Variants in SLC25A28 observed in about 807,000 individuals in gnomAD.
SLC25A28 encodes solute carrier family 25 member 28.
Under a neutral mutation model 31.9 loss-of-function variants are expected in SLC25A28, and 10 were observed. The ratio of observed to expected loss-of-function variants is 0.31; its 90% CI spans 0.19 to 0.53. The LOEUF is 0.53. SLC25A28 is among the 20% of genes least tolerant of loss of function. SLC25A28 has a pLI of 0.95. For synonymous variants in SLC25A28, 208 were observed against 203.6 expected (o/e 1.02, Z -0.19); for missense variants, 256 against 490.3 (o/e 0.52, Z 4.51).
the SLC25A28 span, among the ~76,000 whole-genome samples, chr10:99,658,812 AAC>A: frequency 6.6e-6 from 1 of 152,206 alleles, no homozygotes. Context: ...GCAAGAAAGA[AAC>A]ACACACACAC....
upstream of SLC25A28, among the ~76,000 whole-genome samples, chr10:99,622,933 G>A (rs1170337260): frequency 8.5e-5 from 13 of 152,054 alleles, no homozygotes; most frequent in Admixed American, 8.5e-4. Flanking sequence ...TTCTCATGGA[G>A]CTTTTTAATG....
At chr10:99,624,791 G>A (rs145335021), upstream of SLC25A28, among the ~76,000 whole-genome samples, 175 of 152,118 alleles carry the variant, frequency 1.2e-3, 1 homozygote, top group East Asian at 0.014. Flanking sequence ...GCCAAGATTG[G>A]GCCACTGCAC....
At chr10:99,659,261 G>A in the SLC25A28 span, among the ~76,000 whole-genome samples, 1 of 152,228 alleles carries the variant, frequency 6.6e-6, no homozygotes, top group Non-Finnish European at 1.5e-5. The surrounding 1 kb of genome is among the most constrained non-coding windows in gnomAD (Gnocchi z 4.1). Context: ...AGCTCTCCGC[G>A]GGCCCTGCAG....
rs879024542 is a variant in SLC25A28 at position 99,610,696 on chromosome 10, A to G, written c.*153T>C. On this transcript the variant is annotated 3_prime_UTR_variant, in exon 4 of 4. Coordinates refer to ENST00000370495, the MANE Select transcript of SLC25A28 (RefSeq NM_031212.4). ...AAAGGTGGTGGCAACAGAGGTTGGCAGGAACTGGTGTTAGTCAAAACACCA... is the reference window on the plus strand; with the variant it reads ...AAAGGTGGTGGCAACAGAGGTTGGCGGGAACTGGTGTTAGTCAAAACACCA... 1.5e-5 allele frequency: 13 copies of G among 885,572 alleles called. No individual in the cohort carries two copies. Among genetic ancestry groups the G allele is most frequent in the Non-Finnish European group, 1.9e-5 (11 of 586,694 alleles). The allele number at this position is 885,572 out of a possible 1,614,324, so 54.9% of individuals were successfully genotyped here.
chr10:99,638,963 T>C, the SLC25A28 span, among the ~76,000 whole-genome samples: 13 of 152,090 alleles, frequency 8.5e-5, no homozygotes, highest in African/African-American at 2.9e-4. Flanking sequence ...AAATAAGTCA[T>C]TGTATGAAAA....
chr10:99,648,492 C>A, the SLC25A28 span, among the ~76,000 whole-genome samples: 1 of 152,040 alleles, frequency 6.6e-6, no homozygotes, highest in Admixed American at 6.6e-5. Context: ...GGAAAAATGA[C>A]ATTGGTAATT....
chr10:99,641,119 T>G, the SLC25A28 span, among the ~76,000 whole-genome samples: 13 of 152,368 alleles, frequency 8.5e-5, no homozygotes, highest in East Asian at 2.5e-3. Flanking sequence ...TTTCTAGTTC[T>G]AGATCCTTGA....
chr10:99,631,793 A>T, the SLC25A28 span, among the ~76,000 whole-genome samples: 1 of 151,252 alleles, frequency 6.6e-6, no homozygotes, highest in African/African-American at 2.4e-5. Context: ...CTCTGTATCC[A>T]TGGGTTCTGC....
intron 1 of SLC25A28, chr10:99,617,799 C>T (rs748374761): frequency 3.4e-4 from 332 of 985,040 alleles, no homozygotes; most frequent in Non-Finnish European, 3.8e-4. Context: ...GGCTTTCAGG[C>T]ATAACTGCTA....
the SLC25A28 span, among the ~76,000 whole-genome samples, chr10:99,639,730 C>CACAA: frequency 2.0e-5 from 3 of 149,252 alleles, no homozygotes; most frequent in Non-Finnish European, 3.0e-5. Flanking sequence ...GGTACACACA[C>CACAA]ACACACACAC....
At chr10:99,626,546 G>C in the SLC25A28 span, among the ~76,000 whole-genome samples, 1 of 152,064 alleles carries the variant, frequency 6.6e-6, no homozygotes, top group Non-Finnish European at 1.5e-5. Flanking sequence ...CAAAAGAAAA[G>C]TGTGACCTGA....
In SLC25A28 at chr10:99,612,591, C is replaced by G; in HGVS notation, c.529G>C (p.Gly177Arg). 1 of 1,614,144 alleles carries G rather than the reference C, an allele frequency of 6.2e-7. No individual in the cohort carries two copies. Among genetic ancestry groups the G allele is most frequent in the Non-Finnish European group, 8.5e-7 (1 of 1,180,032 alleles). Residue 177 changes from glycine (G) to arginine (R), a missense_variant, in exon 3 of 4, where the codon GGG becomes CGG. Around this residue, in one of 4 missense-constraint regions of SLC25A28, gnomAD observed 158 missense variants for 379.1 expected, o/e 0.42. Coordinates refer to ENST00000370495, the MANE Select transcript of SLC25A28 (RefSeq NM_031212.4). ...GNSHIANGAA[G>R]CVATLLHDAA... ...TCATGAAGTAATGTTGCCACACACC[C>G]GGCCGCACCTGCAAACAAGAAAACA... is the stretch of plus-strand genomic sequence containing the variant.
the SLC25A28 span, among the ~76,000 whole-genome samples, chr10:99,657,774 G>A: frequency 6.6e-6 from 1 of 151,858 alleles, no homozygotes; most frequent in Non-Finnish European, 1.5e-5. Context: ...AGCCAAATAT[G>A]CTACCTACCC....
In SLC25A28 at chr10:99,611,825, G is replaced by A. The variant is rs569805767; in HGVS notation, c.578-459C>T. Reference sequence around the variant, plus strand: ...AGATGGTGATCCTCCTAGAGGGGAGGAGACAGAAGTTCTACCAAAGAAAAG... The same window carrying A: ...AGATGGTGATCCTCCTAGAGGGGAGAAGACAGAAGTTCTACCAAAGAAAAG... On this transcript the variant is annotated intron_variant, in intron 3 of 3. Coordinates refer to ENST00000370495, the MANE Select transcript of SLC25A28 (RefSeq NM_031212.4). The surrounding 1 kb of genome is among the most constrained non-coding windows in gnomAD (Gnocchi z 5.5). Among the ~76,000 whole-genome samples, 1 of 152,172 alleles carries A rather than the reference G, an allele frequency of 6.6e-6. No individual in the cohort carries two copies. Among genetic ancestry groups the A allele is most frequent in the African/African-American group, 2.4e-5 (1 of 41,444 alleles).
chr10:99,620,824 G>A (rs2034775091), upstream of SLC25A28: 5 of 985,358 alleles, frequency 5.1e-6, no homozygotes, highest in East Asian at 1.1e-4. Context: ...AGGGACTCTA[G>A]GGGCCGACTT....
At position 99,620,185 on chromosome 10, in the gene SLC25A28, G is replaced by C. The variant is rs1368896388; in HGVS notation, c.151C>G (p.Pro51Ala). The C allele has an allele frequency of 8.7e-6, 13 of 1,497,700 alleles. No individual in the cohort carries two copies. Among genetic ancestry groups the C allele is most frequent in the Non-Finnish European group, 1.2e-5 (13 of 1,127,690 alleles). 92.8% of individuals were successfully genotyped at this position (1,497,700 alleles called of 1,614,324 possible). A position where few individuals can be genotyped will look rare whatever the true frequency, so the allele number is the denominator to read the frequency against. ...AGGGEAGACR[P>A]PVRQDPDSGP... ...GAGTCCGGATCTTGTCGTACCGGGG[G>C]CCTGCAGGCCCCGGCCTCCCCGCCG... is the stretch of plus-strand genomic sequence containing the variant. The change falls in exon 1 of 4, where the codon CCC (proline) becomes GCC (alanine). Residue 51 changes from proline to alanine, a missense_variant. Pro to Ala is a conservative substitution (Grantham distance 27). This residue lies in a region of SLC25A28 where 41 missense variants were observed against 41.7 expected (regional missense o/e 0.98). Transcript: ENST00000370495.
At chr10:99,639,469 A>G in the SLC25A28 span, among the ~76,000 whole-genome samples, 3 of 152,200 alleles carry the variant, frequency 2.0e-5, no homozygotes, top group South Asian at 6.2e-4. Context: ...CTGTACCCCA[A>G]TAACCTATGG....
the SLC25A28 span, among the ~76,000 whole-genome samples, chr10:99,644,370 CAGAGACT>C: frequency 1.3e-5 from 2 of 152,140 alleles, no homozygotes; most frequent in African/African-American, 4.8e-5. Context: ...TCTGTTTTAT[CAGAGACT>C]AGGATTGCAA....
chr10:99,631,891 A>T, the SLC25A28 span, among the ~76,000 whole-genome samples: 102,465 of 121,196 alleles, frequency 0.85, 43,526 homozygotes, highest in Middle Eastern at 0.91. Flanking sequence ...TTTTTTTTTT[A>T]TTTTTTTTTT....
Sources: gnomAD v4.1 joint callset for allele counts (sites outside exome capture counted in the v4.1 genomes callset) on GRCh38, gnomAD v4.1.1 for gene constraint, gnomAD v4.1.1 regional missense constraint, Gnocchi (gnomAD v3.1) non-coding constraint, MANE v1.5 for transcripts, NCBI Gene and HGNC (gene_info 2026-07-23, HGNC 2026-07-21) for gene names.